PARP16: variants seen among roughly 807,000 people sequenced by gnomAD.
PARP16 encodes poly(ADP-ribose) polymerase family member 16, also known as protein mono-ADP-ribosyltransferase PARP16.
Under a neutral mutation model 35.0 loss-of-function variants are expected in PARP16, and 31 were observed. The ratio of observed to expected loss-of-function variants is 0.88; its 90% CI spans 0.66 to 1.19. The LOEUF (loss-of-function observed/expected upper bound fraction) is 1.19. Among genes scored for constraint, PARP16 ranks in the 50% most tolerant of loss-of-function variants. The probability of loss-of-function intolerance (pLI) is 0.00; values close to 1 mark genes in which losing one functional copy is unlikely to be tolerated. For synonymous variants in PARP16, 162 were observed against 169.5 expected (o/e 0.96, Z 0.34); for missense variants, 424 against 411.2 (o/e 1.03, Z -0.27).
intron 2 of PARP16, among the ~76,000 whole-genome samples, chr15:65,267,864 T>G (rs1173677586): frequency 6.6e-6 from 1 of 151,404 alleles, no homozygotes; most frequent in African/African-American, 2.4e-5. Context: ...TAATTTTTTT[T>G]GTATTTTTAG....
At chr15:65,251,676 T>C (rs1359866874) in intron 2 of PARP16, among the ~76,000 whole-genome samples, 1 of 151,592 alleles carries the variant, frequency 6.6e-6, no homozygotes, top group Non-Finnish European at 1.5e-5. Flanking sequence ...ATACTATTAT[T>C]ATATCAAAAT....
chr15:65,236,529 A>G (rs1246317391), intron 3 of PARP16, among the ~76,000 whole-genome samples: 1 of 152,260 alleles, frequency 6.6e-6, no homozygotes, highest in African/African-American at 2.4e-5. Context: ...AAGGCCCTAG[A>G]GTAGGAGAAA....
chr15:65,282,782 C>A (rs2090458283), intron 1 of PARP16: 1 of 152,118 alleles, frequency 6.6e-6, no homozygotes, highest in South Asian at 2.1e-4. Flanking sequence ...TTTGGGGCAA[C>A]CTACGTTGCT....
intron 5 of PARP16, among the ~76,000 whole-genome samples, chr15:65,260,130 C>G (rs1029470142): frequency 6.6e-6 from 1 of 152,028 alleles, no homozygotes; most frequent in African/African-American, 2.4e-5. Flanking sequence ...GGACAGGGGT[C>G]GGGAGGAGAC....
At chr15:65,262,003 T>C (rs892357889) in intron 4 of PARP16, among the ~76,000 whole-genome samples, 3 of 152,194 alleles carry the variant, frequency 2.0e-5, no homozygotes, top group Non-Finnish European at 2.9e-5. Flanking sequence ...CAAATATCCA[T>C]GCTGTCCGGT....
At chr15:65,247,225 C>T (rs1316112308) in intron 3 of PARP16, among the ~76,000 whole-genome samples, 1 of 152,158 alleles carries the variant, frequency 6.6e-6, no homozygotes, top group Non-Finnish European at 1.5e-5. Flanking sequence ...GAACTCCTGA[C>T]CTCAAGTGAT....
intron 2 of PARP16, among the ~76,000 whole-genome samples, chr15:65,250,145 T>G (rs2140773294): frequency 7.4e-6 from 1 of 135,862 alleles, no homozygotes. Flanking sequence ...TGAGACAGAG[T>G]CTCTCTCTGT....
At chr15:65,243,418 T>C (rs1414625155) in intron 3 of PARP16, among the ~76,000 whole-genome samples, 1 of 152,032 alleles carries the variant, frequency 6.6e-6, no homozygotes, top group Non-Finnish European at 1.5e-5. Context: ...ACCTGGCTAA[T>C]TTTTGTCTTT....
chr15:65,234,264 G>A (rs1021089910), downstream of PARP16, among the ~76,000 whole-genome samples: 3 of 152,156 alleles, frequency 2.0e-5, no homozygotes, highest in Admixed American at 1.3e-4. Flanking sequence ...CTGTAGGTGT[G>A]AGCCACTGCA....
downstream of PARP16, among the ~76,000 whole-genome samples, chr15:65,256,447 A>G (rs2089511899): frequency 1.6e-5 from 2 of 128,736 alleles, no homozygotes; most frequent in South Asian, 4.9e-4. Flanking sequence ...TCGCTCTGTC[A>G]CCCAGGCTGG....
In PARP16 at chr15:65,284,811, C is replaced by CTTT. The variant is rs35683940; in HGVS notation, c.174+1439_174+1441dup. Among the ~76,000 whole-genome samples, 309 of 72,214 alleles carry CTTT rather than the reference C, an allele frequency of 4.3e-3. 1 individual carries two copies. Among genetic ancestry groups the CTTT allele is most frequent in the Non-Finnish European group, 5.3e-3 (210 of 39,284 alleles). The allele number at this position is 72,214 out of a possible 152,430, so 47.4% of individuals were successfully genotyped here. A position where few individuals can be genotyped will look rare whatever the true frequency, so the allele number is the denominator to read the frequency against. ...AAATCCTTGACTACTAATCCAACGT[C>CTTT]TTTTTTTTTTTTTTTTTTTTTTTTG... On this transcript the variant is annotated intron_variant, in intron 1 of 5. Coordinates refer to ENST00000649807, the MANE Select transcript of PARP16 (RefSeq NM_001316943.2).
At chr15:65,274,473 C>T (rs559419718) in intron 1 of PARP16, among the ~76,000 whole-genome samples, 1 of 150,672 alleles carries the variant, frequency 6.6e-6, no homozygotes, top group Non-Finnish European at 1.5e-5. Flanking sequence ...GCTACTTGGG[C>T]TGAGGTGGGA....
intron 3 of PARP16, among the ~76,000 whole-genome samples, chr15:65,239,322 G>C (rs980971036): frequency 1.3e-5 from 2 of 148,450 alleles, no homozygotes. Flanking sequence ...AGCTACTCAA[G>C]AGGCTGAGGC....
chr15:65,277,993 GAAT>G (rs2090307888), intron 1 of PARP16, among the ~76,000 whole-genome samples: 1 of 152,224 alleles, frequency 6.6e-6, no homozygotes, highest in Non-Finnish European at 1.5e-5. Context: ...GGATCCAGGA[GAAT>G]AATTATCCAA....
chr15:65,233,468 G>A (rs893475527), downstream of PARP16, among the ~76,000 whole-genome samples: 1 of 151,986 alleles, frequency 6.6e-6, no homozygotes, highest in African/African-American at 2.4e-5. Flanking sequence ...GCCGGGCACG[G>A]TGGCTCATGC....
intron 1 of PARP16, among the ~76,000 whole-genome samples, chr15:65,274,824 T>C (rs142615578): frequency 6.6e-6 from 1 of 151,496 alleles, no homozygotes; most frequent in Non-Finnish European, 1.5e-5. Flanking sequence ...GACTTAAAAG[T>C]ATTCATTGTC....
At position 65,281,667 on chromosome 15, in the gene PARP16, G is replaced by C. The variant is rs1595722377; in HGVS notation, c.174+4586C>G. 2.7e-5 allele frequency among the ~76,000 whole-genome samples: 4 copies of C among 150,364 alleles called. No homozygotes were observed. In the South Asian group the frequency reaches 8.4e-4, roughly 32 times the overall value. ...GACCGCGCCATTGCACTCCAGCCTG[G>C]GCAACAAGAGGGAAACTCCATCTCA... On this transcript the variant is annotated intron_variant, in intron 1 of 5. Transcript: ENST00000649807.
rs534169075 is a variant in PARP16 at position 65,237,168 on chromosome 15, C to A, written c.*98-2345G>T. ...TGCAGTTCCTCCCCTCCCCATGAGA[C>A]TCTCCCACACAGGCTGAAGCCAGCT... is the stretch of plus-strand genomic sequence containing the variant. On this transcript the variant is annotated intron_variant and NMD_transcript_variant, in intron 3 of 3. Coordinates refer to the PARP16 transcript ENST00000559805. Among the ~76,000 whole-genome samples, 99 of 152,176 alleles carry A rather than the reference C, an allele frequency of 6.5e-4. 2 individuals carry two copies. In the South Asian group the frequency reaches 0.019, roughly 30 times the overall value.
intron 3 of PARP16, among the ~76,000 whole-genome samples, chr15:65,238,248 C>T (rs555531213): frequency 6.6e-6 from 1 of 152,108 alleles, no homozygotes; most frequent in Non-Finnish European, 1.5e-5. Flanking sequence ...CATGCCACTG[C>T]GCTCTAGCCT....
Sources: gnomAD v4.1 joint callset for allele counts (sites outside exome capture counted in the v4.1 genomes callset) on GRCh38, gnomAD v4.1.1 for gene constraint, MANE v1.5 for transcripts, NCBI Gene and HGNC (gene_info 2026-07-23, HGNC 2026-07-21) for gene names.